FAM135B: variants seen among roughly 807,000 people sequenced by gnomAD.
FAM135B encodes the protein protein FAM135B.
In FAM135B, 43 loss-of-function variants were observed where a neutral mutation model predicts 127.7. The observed-to-expected ratio is 0.34, with a 90% CI of 0.26 to 0.43. The LOEUF (loss-of-function observed/expected upper bound fraction) is 0.43. Among genes scored for constraint, FAM135B ranks in the 20% least tolerant of loss-of-function variants. The probability of loss-of-function intolerance (pLI) is 1.00; values close to 1 mark genes in which losing one functional copy is unlikely to be tolerated. For synonymous variants in FAM135B, 670 were observed against 665.1 expected (o/e 1.01, Z -0.11); for missense variants, 1,558 against 1,725.6 (o/e 0.90, Z 1.72).
intron 5 of FAM135B, among the ~76,000 whole-genome samples, chr8:138,252,818 G>C (rs952867428): frequency 7.9e-5 from 12 of 152,160 alleles, no homozygotes; most frequent in Non-Finnish European, 1.5e-4. Context: ...TGGAGATGGA[G>C]TCTCACTCTG....
intron 1 of FAM135B, among the ~76,000 whole-genome samples, chr8:138,432,457 A>G (rs1263040736): frequency 7.2e-5 from 11 of 152,074 alleles, no homozygotes; most frequent in East Asian, 5.9e-4. Context: ...AACAGTCTCT[A>G]ATATCATGGT....
intron 1 of FAM135B, among the ~76,000 whole-genome samples, chr8:138,469,096 G>T (rs1007356563): frequency 4.0e-5 from 6 of 151,406 alleles, no homozygotes; most frequent in African/African-American, 1.5e-4. Context: ...GAAAAAGGAA[G>T]GAAGGAAGGA....
rs774856258 is a variant in FAM135B at position 138,168,080 on chromosome 8, G to A, written c.1104-31C>T. ...GAGCACATGGCAGGGTGAGCGTCCAGGGAAGAGTCAGAGGTTTCCAAACCG... is the reference window on the plus strand; with the variant it reads ...GAGCACATGGCAGGGTGAGCGTCCAAGGAAGAGTCAGAGGTTTCCAAACCG... On this transcript the variant is annotated intron_variant, in intron 11 of 19. Coordinates refer to ENST00000395297, the MANE Select transcript of FAM135B (RefSeq NM_015912.4). 25 of 1,591,220 alleles carry A rather than the reference G, an allele frequency of 1.6e-5. No individual in the cohort carries two copies. The East Asian group carries it at 4.4e-4, about 28-fold the overall frequency.
chr8:138,337,889 T>C (rs1450643303), intron 2 of FAM135B, among the ~76,000 whole-genome samples: 2 of 151,948 alleles, frequency 1.3e-5, no homozygotes, highest in African/African-American at 2.4e-5. Flanking sequence ...CAAAACAGCA[T>C]GGTACTGGTA....
At chr8:138,235,088 A>G (rs1055577181) in intron 7 of FAM135B, among the ~76,000 whole-genome samples, 1 of 152,188 alleles carries the variant, frequency 6.6e-6, no homozygotes, top group African/African-American at 2.4e-5. Flanking sequence ...TGGTCCTTAA[A>G]AAGTACTGTA....
chr8:138,284,309 A>T (rs759390372), intron 3 of FAM135B, among the ~76,000 whole-genome samples: 1 of 151,010 alleles, frequency 6.6e-6, no homozygotes, highest in Non-Finnish European at 1.5e-5. Flanking sequence ...TCCTTGCCTC[A>T]CTCCTGGACC....
intron 4 of FAM135B, among the ~76,000 whole-genome samples, chr8:138,258,919 C>A (rs1163081270): frequency 6.6e-6 from 1 of 151,986 alleles, no homozygotes; most frequent in African/African-American, 2.4e-5. Context: ...ATCTCACGAC[C>A]AGGAAGCAGT....
At position 138,250,897 on chromosome 8, in the gene FAM135B, A is replaced by C. The variant is rs1284568473; in HGVS notation, c.486T>G (p.Ser162=). Residue 162 remains serine, a synonymous_variant, in exon 6 of 20, where the codon TCT becomes TCG. Coordinates refer to ENST00000395297, the MANE Select transcript of FAM135B (RefSeq NM_015912.4). ...CAGCATGGACGGTCACCGAGATCAC[A>C]GACAGGTGGAAATAGTCGAACATGA... ...VPVMFDYFHL[S]VISVTVHAAL... The C allele has an allele frequency of 2.5e-6, 4 of 1,613,854 alleles. No individual in the cohort carries two copies. In the Admixed American group the frequency reaches 6.7e-5, roughly 27 times the overall value.
chr8:138,308,032 A>C (rs1826393415), intron 3 of FAM135B, among the ~76,000 whole-genome samples: 1 of 152,122 alleles, frequency 6.6e-6, no homozygotes. Context: ...GAACGGCGAG[A>C]GTCTATTTCC....
At chr8:138,416,856 C>T (rs940433185) in intron 1 of FAM135B, among the ~76,000 whole-genome samples, 2 of 152,066 alleles carry the variant, frequency 1.3e-5, no homozygotes, top group Non-Finnish European at 2.9e-5. Context: ...AGAAGCCCTG[C>T]ATGGAGTTGC....
chr8:138,183,368 C>T (rs1815259793), intron 9 of FAM135B, among the ~76,000 whole-genome samples: 1 of 152,150 alleles, frequency 6.6e-6, no homozygotes, highest in Admixed American at 6.5e-5. Flanking sequence ...GGAAGTCCAG[C>T]TCCAAAGCTC....
chr8:138,152,683 C>T lies in FAM135B; in HGVS notation c.1792G>A (p.Gly598Ser), dbSNP rs374742178. Residue 598 changes from glycine to serine, a missense_variant, in exon 13 of 20, where the codon GGT (glycine) becomes AGT (serine). Around this residue, in one of 5 missense-constraint regions of FAM135B, gnomAD observed 923 missense variants for 865.3 expected, o/e 1.07. Transcript: ENST00000395297. ...GAGATGGCATTTTGGTGGCTTCCAC[C>T]TACTACCACTTTGCTTAGCCCAGTC... ...DRTGLSKVVV[G>S]GSHQNAISSD... The T allele has an allele frequency of 1.5e-5, 24 of 1,614,032 alleles. No homozygotes were observed. In the African/African-American group the frequency reaches 3.1e-4, roughly 21 times the overall value.
intron 2 of FAM135B, among the ~76,000 whole-genome samples, chr8:138,330,791 C>A (rs1262441092): frequency 7.9e-5 from 12 of 152,102 alleles, no homozygotes; most frequent in Admixed American, 2.6e-4. Context: ...TCCCACATTT[C>A]AGGCAATCAA....
Position 138,152,534 on chromosome 8 carries a change from G to T in FAM135B, c.1941C>A (p.Thr647=), listed in dbSNP as rs1243490800. Residue 647 remains threonine (T), a synonymous_variant, in exon 13 of 20, where the codon ACC becomes ACA. Coordinates refer to ENST00000395297, the MANE Select transcript of FAM135B (RefSeq NM_015912.4). ...ACCTAATATCTAAGGGCTCCCTCAG[G>T]GTAGAACTTAGTGGATCACAGGGCT... ...PSEPCDPLSS[T]LREPLDIRSS... 9 of 1,614,180 alleles carry T rather than the reference G, an allele frequency of 5.6e-6. No homozygotes were observed. In the East Asian group the frequency reaches 1.8e-4, roughly 32 times the overall value.
intron 7 of FAM135B, among the ~76,000 whole-genome samples, chr8:138,224,862 A>T (rs1269994533): frequency 6.6e-6 from 1 of 152,228 alleles, no homozygotes; most frequent in African/African-American, 2.4e-5. Flanking sequence ...ATCTAAAAAA[A>T]GTCAAACTTG....
chr8:138,200,843 T>C (rs766582616), intron 7 of FAM135B, among the ~76,000 whole-genome samples: 15 of 152,248 alleles, frequency 9.9e-5, no homozygotes, highest in Non-Finnish European at 1.9e-4. Flanking sequence ...ACAATAATAA[T>C]AGAAATTCTT....
chr8:138,267,908 T>C (rs1823064227), intron 3 of FAM135B, among the ~76,000 whole-genome samples: 1 of 152,246 alleles, frequency 6.6e-6, no homozygotes, highest in Non-Finnish European at 1.5e-5. Context: ...TGTGTGCAGA[T>C]GCCTCTCTGT....
At chr8:138,350,587 G>A (rs1189878504) in intron 2 of FAM135B, among the ~76,000 whole-genome samples, 1 of 152,046 alleles carries the variant, frequency 6.6e-6, no homozygotes, top group Non-Finnish European at 1.5e-5. Flanking sequence ...GATATTGTAG[G>A]CTGTATCTGA....
chr8:138,492,638 T>C (rs1187043323), intron 1 of FAM135B, among the ~76,000 whole-genome samples: 1 of 152,124 alleles, frequency 6.6e-6, no homozygotes. Context: ...CTTGGCCTCT[T>C]GTTCCAGCCC....
Sources: gnomAD v4.1 joint callset for allele counts (sites outside exome capture counted in the v4.1 genomes callset) on GRCh38, gnomAD v4.1.1 for gene constraint, gnomAD v4.1.1 regional missense constraint, MANE v1.5 for transcripts, NCBI Gene and HGNC (gene_info 2026-07-23, HGNC 2026-07-21) for gene names.